Variants in POGLUT1 observed in about 807,000 individuals in gnomAD.
POGLUT1 encodes the protein 9630046K23Rik.
POGLUT1 carries 32 observed loss-of-function variants against 61.3 expected under a neutral mutation model. The observed-to-expected ratio is 0.52, with a 90% confidence interval of 0.39 to 0.70. The LOEUF (loss-of-function observed/expected upper bound fraction) is 0.70, where lower values mean the gene tolerates loss of function less well. Ranked by LOEUF, POGLUT1 falls within the 30% of genes least tolerant of loss-of-function variation. POGLUT1 has a pLI of 0.00. For synonymous variants in POGLUT1, 158 were observed against 158.2 expected, an observed-to-expected ratio of 1.00 and a Z score of 0.01; for missense variants, 411 against 469.8, an observed-to-expected ratio of 0.87 and a Z score of 1.16.
Position 119,485,280 on chromosome 3 carries a change from T to C in POGLUT1, c.579-48T>C, listed in dbSNP as rs370046950. Reference sequence around the variant, plus strand: ...CAGAAATGGTTAAAGCACATTCTTATATAGTTGAAAAAGATATATTGAAAC... The same window carrying C: ...CAGAAATGGTTAAAGCACATTCTTACATAGTTGAAAAAGATATATTGAAAC... On this transcript the variant is annotated intron_variant, in intron 5 of 10. Coordinates refer to ENST00000295588, the MANE Select transcript of POGLUT1 (RefSeq NM_152305.3). 3.1e-5 allele frequency: 35 copies of C among 1,127,428 alleles called. No individual in the cohort carries two copies. In the African/African-American group the frequency reaches 3.9e-4, roughly 13 times the overall value. The allele number at this position is 1,127,428 out of a possible 1,614,324, so 69.8% of individuals were successfully genotyped here.
At chr3:119,470,379 C>A (rs2081456312) in intron 2 of POGLUT1, among the ~76,000 whole-genome samples, 1 of 152,096 alleles carries the variant, frequency 6.6e-6, no homozygotes, top group Admixed American at 6.5e-5. Context: ...ATTTCGAGAC[C>A]AGCCTGGCCA....
Position 119,480,115 on chromosome 3 carries a change from G to C in POGLUT1, c.521G>C (p.Trp174Ser), listed in dbSNP as rs2081588693. Reference protein sequence around the residue: ...WTFWEGGPAVWPIYPTGLGRW... With the variant: ...WTFWEGGPAVSPIYPTGLGRW... ...TTTTGGGAAGGGGGACCTGCTGTTT[G>C]GCCAATTTATCCTACAGGTCTTGGA... Residue 174 changes from tryptophan to serine, a missense_variant, in exon 5 of 11, where the codon TGG becomes TCG. Trp to Ser is a radical substitution (Grantham distance 177). Transcript: ENST00000295588. 1.2e-6 allele frequency: 2 copies of C among 1,612,952 alleles called. No individual in the cohort carries two copies. The highest frequency in any genetic ancestry group is 1.7e-6 in the Non-Finnish European group (2 of 1,179,448).
intron 5 of POGLUT1, among the ~76,000 whole-genome samples, chr3:119,480,712 CTTTTG>C (rs1360877244): frequency 1.3e-5 from 2 of 150,496 alleles, no homozygotes; most frequent in African/African-American, 4.9e-5. Flanking sequence ...TTATCAGAGA[CTTTTG>C]TTTTGTATTT....
intron 5 of POGLUT1, among the ~76,000 whole-genome samples, chr3:119,481,187 T>A (rs191104327): frequency 5.8e-4 from 89 of 152,288 alleles, no homozygotes; most frequent in Middle Eastern, 3.4e-3. Context: ...CTAAGTAGTT[T>A]AGGCAGGGCT....
intron 7 of POGLUT1, among the ~76,000 whole-genome samples, chr3:119,487,637 A>C (rs1038862771): frequency 1.3e-5 from 2 of 152,210 alleles, no homozygotes; most frequent in Non-Finnish European, 2.9e-5. Flanking sequence ...CTTTATGGGC[A>C]CTGAAATTTG....
At chr3:119,480,271 G>T (rs1198853917) in intron 5 of POGLUT1, 99 bp downstream of exon 5, 7 of 991,640 alleles carry the variant, frequency 7.1e-6, no homozygotes, top group Non-Finnish European at 9.8e-6. Flanking sequence ...TTTTTGAGAC[G>T]GAGTTTCGCC....
intron 2 of POGLUT1, among the ~76,000 whole-genome samples, chr3:119,470,986 T>C (rs571671906): frequency 2.0e-5 from 3 of 152,282 alleles, no homozygotes; most frequent in Admixed American, 2.0e-4. Flanking sequence ...TGGGAGGAGA[T>C]GCCAGGAGGA....
Position 119,493,803 on chromosome 3 carries a change from A to ATTTTTTTTTTTTTTTTTTT in POGLUT1, c.*1368_*1386dup, listed in dbSNP as rs58233822. The ATTTTTTTTTTTTTTTTTTT allele has an allele frequency of 2.5e-5, 3 of 119,910 alleles. No individual in the cohort carries two copies. The highest frequency in any genetic ancestry group is 3.4e-5 in the African/African-American group (1 of 29,260). 7.4% of individuals were successfully genotyped at this position (119,910 alleles called of 1,614,324 possible). A position where few individuals can be genotyped will look rare whatever the true frequency, so the allele number is the denominator to read the frequency against. On this transcript the variant is annotated 3_prime_UTR_variant, in exon 11 of 11. Transcript: ENST00000295588. ...GGAATAAGCAGATGTTTAAAGTTGG[A>ATTTTTTTTTTTTTTTTTTT]TTTTTTTTTTTTTTTTTTTTTGAGT...
At chr3:119,479,082 C>T (rs2081576846) in intron 4 of POGLUT1, among the ~76,000 whole-genome samples, 2 of 151,988 alleles carry the variant, frequency 1.3e-5, no homozygotes, top group Admixed American at 6.6e-5. Flanking sequence ...TGCCACCATG[C>T]CCGGCTATTA....
chr3:119,471,754 T>C, intron 3 of POGLUT1: 1 of 365,368 alleles, frequency 2.7e-6, no homozygotes, highest in South Asian at 2.5e-5. Flanking sequence ...CTAGCAGGCC[T>C]AGCAGGAGGG....
In POGLUT1 at chr3:119,491,588, AT is replaced by A; in HGVS notation, c.1022+18del. ...GATTGCTGAAAGGTGAGTTCTGTTC[AT>A]TTTCCCTTTTCCACTTTACTTTTTG... On this transcript the variant is annotated intron_variant, in intron 10 of 10. Transcript: ENST00000295588. 4 of 1,489,196 alleles carry A rather than the reference AT, an allele frequency of 2.7e-6. No homozygotes were observed. The highest frequency in any genetic ancestry group is 1.2e-5 in the South Asian group (1 of 82,666). The allele number at this position is 1,489,196 out of a possible 1,614,324, so 92.2% of individuals were successfully genotyped here.
chr3:119,485,965 A>G (rs554290369), intron 6 of POGLUT1, among the ~76,000 whole-genome samples: 1 of 152,314 alleles, frequency 6.6e-6, no homozygotes, highest in Non-Finnish European at 1.5e-5. Context: ...TATATGATAA[A>G]TATCTGTGGA....
chr3:119,470,030 G>A, intron 2 of POGLUT1, 120 bp downstream of exon 2: 2 of 675,676 alleles, frequency 3.0e-6, no homozygotes, highest in East Asian at 5.3e-5. Flanking sequence ...TTCTATTTCT[G>A]GGGAATAAAA....
intron 8 of POGLUT1, chr3:119,490,080 C>A (rs2081723335): frequency 6.4e-6 from 1 of 156,258 alleles, no homozygotes. Context: ...AGACCTTCGA[C>A]CAGATGGGGT....
chr3:119,488,687 A>T lies in POGLUT1; in HGVS notation c.739-242A>T, dbSNP rs2081702315. 4 of 309,542 alleles carry T rather than the reference A, an allele frequency of 1.3e-5. No homozygotes were observed. The East Asian group carries it at 2.0e-4, about 16-fold the overall frequency. The allele number at this position is 309,542 out of a possible 1,614,324, so 19.2% of individuals were successfully genotyped here. A position where few individuals can be genotyped will look rare whatever the true frequency, so the allele number is the denominator to read the frequency against. ...GCTTTAGGTGTGCTTAAACTTTAAA[A>T]TCAGACGGGCCCTGGTTAAAACTCT... On this transcript the variant is annotated intron_variant, in intron 7 of 10. Transcript: ENST00000295588.
intron 4 of POGLUT1, 43 bp from the exon 5 acceptor site, chr3:119,480,008 G>C: frequency 6.2e-7 from 1 of 1,610,274 alleles, no homozygotes; most frequent in Middle Eastern, 1.7e-4. Flanking sequence ...TCTTTTCACT[G>C]TTCCAAGACT....
chr3:119,482,032 C>G (rs1438223086), intron 5 of POGLUT1, among the ~76,000 whole-genome samples: 1 of 152,036 alleles, frequency 6.6e-6, no homozygotes, highest in Non-Finnish European at 1.5e-5. Flanking sequence ...CTCCAAAGTG[C>G]TGGGATTACA....
At chr3:119,478,170 G>T (rs2081562210) in intron 4 of POGLUT1, 1 of 345,394 alleles carries the variant, frequency 2.9e-6, no homozygotes, top group Admixed American at 3.9e-5. Flanking sequence ...GGTGAAGGCA[G>T]GAAGGCTAGA....
At chr3:119,491,296 A>C (rs2107718722) in intron 9 of POGLUT1, among the ~76,000 whole-genome samples, 1 of 149,548 alleles carries the variant, frequency 6.7e-6, no homozygotes, top group African/African-American at 2.4e-5. Context: ...TATTTTCTCA[A>C]ATATGTCCCA....
Sources: gnomAD v4.1 joint callset for allele counts (sites outside exome capture counted in the v4.1 genomes callset) on GRCh38, gnomAD v4.1.1 for gene constraint, MANE v1.5 for transcripts, NCBI Gene and HGNC (gene_info 2026-07-23, HGNC 2026-07-21) for gene names.